The following ZBTB20 variants were observed in gnomAD, a reference collection of about 807,000 sequenced individuals.
ZBTB20 encodes the protein zinc finger and BTB domain-containing protein 20.
Under a neutral mutation model 56.9 loss-of-function variants are expected in ZBTB20, and 9 were observed. That is an observed-to-expected ratio of 0.16 (90% CI 0.10 to 0.28). The LOEUF is 0.28. Ranked by LOEUF, ZBTB20 falls within the 10% of genes least tolerant of loss-of-function variation. The pLI is 1.00. For synonymous variants in ZBTB20, 417 were observed against 420.7 expected (o/e 0.99, Z 0.11); for missense variants, 655 against 1,003.0 (o/e 0.65, Z 4.69).
chr3:114,901,222 G>A (rs920348881), intron 3 of ZBTB20, among the ~76,000 whole-genome samples: 7 of 151,474 alleles, frequency 4.6e-5, no homozygotes, highest in East Asian at 3.9e-4. Flanking sequence ...CCGAGATTAC[G>A]CTATTGCACT....
At chr3:114,615,756 C>A (rs543573412) in intron 6 of ZBTB20, among the ~76,000 whole-genome samples, 1 of 152,294 alleles carries the variant, frequency 6.6e-6, no homozygotes, top group East Asian at 1.9e-4. Context: ...TTTATAGACA[C>A]AAAGATAGAA....
intron 3 of ZBTB20, among the ~76,000 whole-genome samples, chr3:114,913,981 T>C (rs2075644686): frequency 2.6e-5 from 4 of 152,214 alleles, no homozygotes; most frequent in South Asian, 4.1e-4. Flanking sequence ...TTGGTTACTA[T>C]AGCCCTGTAG....
At chr3:114,603,546 A>C (rs943376567) in intron 6 of ZBTB20, among the ~76,000 whole-genome samples, 1 of 151,994 alleles carries the variant, frequency 6.6e-6, no homozygotes, top group Non-Finnish European at 1.5e-5. Context: ...AGCTACATAG[A>C]AAAGATTAGT....
chr3:114,684,912 A>C (rs532192718), intron 6 of ZBTB20, among the ~76,000 whole-genome samples: 77 of 152,286 alleles, frequency 5.1e-4, no homozygotes, highest in African/African-American at 1.7e-3. Context: ...CCTGGGGACC[A>C]TTTAGGCTCT....
rs1336311452 is a variant in ZBTB20 at position 114,380,390 on chromosome 3, G to C, written c.26C>G (p.Thr9Arg). ...CTCAGATGCCTTCTGGTTTTCAGCT[G>C]TCTTGGGTTTCTTCCTGAAAATAAA... MLERKKPK[T>R]AENQKASEEN... The change falls in exon 10 of 12, where the codon ACA (threonine) becomes AGA (arginine). Residue 9 changes from threonine to arginine, a missense_variant. Thr to Arg is a moderately conservative substitution (Grantham distance 71). Transcript: ENST00000675478. 1.3e-6 allele frequency: 2 copies of C among 1,528,634 alleles called. No homozygotes were observed. Among genetic ancestry groups the C allele is most frequent in the Non-Finnish European group, 1.7e-6 (2 of 1,142,878 alleles). 94.7% of individuals were successfully genotyped at this position (1,528,634 alleles called of 1,614,324 possible). A position where few individuals can be genotyped will look rare whatever the true frequency, so the allele number is the denominator to read the frequency against.
chr3:115,065,518 A>C (rs1413500506), intron 2 of ZBTB20, among the ~76,000 whole-genome samples: 2 of 152,042 alleles, frequency 1.3e-5, no homozygotes, highest in Admixed American at 1.3e-4. Context: ...GGATTTATAT[A>C]TTTTTTAGTC....
intron 1 of ZBTB20, among the ~76,000 whole-genome samples, chr3:115,099,060 C>G (rs898911174): frequency 4.6e-5 from 7 of 151,834 alleles, no homozygotes; most frequent in Non-Finnish European, 7.4e-5. Context: ...TTCAAATGGC[C>G]CTTATTAAAA....
At chr3:114,645,084 G>A (rs184644121) in intron 6 of ZBTB20, among the ~76,000 whole-genome samples, 17 of 151,906 alleles carry the variant, frequency 1.1e-4, no homozygotes, top group Admixed American at 5.2e-4. Flanking sequence ...CACGATGTTC[G>A]TTGAACTATT....
intron 10 of ZBTB20, among the ~76,000 whole-genome samples, chr3:114,360,555 G>A (rs1460370313): frequency 6.7e-6 from 1 of 150,138 alleles, no homozygotes; most frequent in African/African-American, 2.5e-5. Flanking sequence ...TTTTCACTAA[G>A]TTGGTCAGGC....
intron 2 of ZBTB20, among the ~76,000 whole-genome samples, chr3:114,991,321 G>A (rs1238329641): frequency 4.6e-5 from 7 of 152,040 alleles, no homozygotes; most frequent in Non-Finnish European, 1.0e-4. Context: ...GTTCTCATTG[G>A]TTTCAAAGAA....
chr3:114,402,672 C>A (rs1276913498), intron 7 of ZBTB20, among the ~76,000 whole-genome samples: 2 of 152,136 alleles, frequency 1.3e-5, no homozygotes, highest in South Asian at 2.1e-4. Flanking sequence ...CTGCTTATTT[C>A]ATGTGCTTTG....
At chr3:114,807,277 G>T (rs1367308670) in intron 4 of ZBTB20, among the ~76,000 whole-genome samples, 1 of 151,870 alleles carries the variant, frequency 6.6e-6, no homozygotes. Context: ...TCGTGTGTGT[G>T]GTGGGGGAGG....
Position 114,350,999 on chromosome 3 carries a change from G to A in ZBTB20, c.1079C>T (p.Thr360Ile). 1.2e-6 allele frequency: 2 copies of A among 1,610,308 alleles called. No individual in the cohort carries two copies. Among genetic ancestry groups the A allele is most frequent in the Non-Finnish European group, 1.7e-6 (2 of 1,179,946 alleles). The change falls in exon 11 of 12, where the codon ACA (threonine) becomes ATA (isoleucine). Residue 360 changes from threonine (T) to isoleucine (I), a missense_variant. This residue lies in a region of ZBTB20 where 156 missense variants were observed against 181.0 expected (regional missense o/e 0.86). Transcript: ENST00000675478. ...ACTCTCGGTGCCCTCGGCCTGGTCTGTGTCTTCCGTGCACTCCTCGGATTC... is the reference window on the plus strand; with the variant it reads ...ACTCTCGGTGCCCTCGGCCTGGTCTATGTCTTCCGTGCACTCCTCGGATTC... ...RNESEECTED[T>I]DQAEGTESEP...
chr3:114,338,619 T>C lies in ZBTB20; in HGVS notation c.*386A>G, dbSNP rs539429660. On this transcript the variant is annotated 3_prime_UTR_variant, in exon 12 of 12. Transcript: ENST00000675478. The stretch of plus-strand genomic sequence containing the variant: ...ACAGTAGGCCTTTTAGATTTTGTTA[T>C]ATATTTTTTGTAGTGCTCTTCACAA... 9 of 159,990 alleles carry C rather than the reference T, an allele frequency of 5.6e-5. No homozygotes were observed. Among genetic ancestry groups the C allele is most frequent in the Non-Finnish European group, 1.1e-4 (8 of 73,412 alleles). The allele number at this position is 159,990 out of a possible 1,614,324, so 9.9% of individuals were successfully genotyped here.
At chr3:114,769,834 G>T (rs1250127446) in intron 5 of ZBTB20, among the ~76,000 whole-genome samples, 1 of 151,992 alleles carries the variant, frequency 6.6e-6, no homozygotes, top group Non-Finnish European at 1.5e-5. Flanking sequence ...CGAGGTGGGT[G>T]GATCACTTGA....
intron 7 of ZBTB20, among the ~76,000 whole-genome samples, chr3:114,457,945 A>C (rs2092118515): frequency 6.6e-6 from 1 of 152,198 alleles, no homozygotes. Flanking sequence ...TAGAATTTTT[A>C]TTTCATTGGA....
chr3:114,462,292 G>A (rs993636160), intron 7 of ZBTB20, among the ~76,000 whole-genome samples: 13 of 152,310 alleles, frequency 8.5e-5, no homozygotes, highest in Admixed American at 7.2e-4. Context: ...AAGGCTGGAA[G>A]TCTGTAGATG....
At chr3:115,026,239 A>G (rs916334762) in intron 2 of ZBTB20, among the ~76,000 whole-genome samples, 2 of 150,972 alleles carry the variant, frequency 1.3e-5, no homozygotes, top group African/African-American at 2.4e-5. Flanking sequence ...ATTTCCCCTC[A>G]TCTACTTTCT....
At chr3:115,081,131 A>G (rs1165456739) in intron 1 of ZBTB20, among the ~76,000 whole-genome samples, 1 of 152,186 alleles carries the variant, frequency 6.6e-6, no homozygotes, top group Non-Finnish European at 1.5e-5. Flanking sequence ...AAGAAAGTCA[A>G]CTAAACAACT....
Sources: gnomAD v4.1 joint callset for allele counts (sites outside exome capture counted in the v4.1 genomes callset) on GRCh38, gnomAD v4.1.1 for gene constraint, gnomAD v4.1.1 regional missense constraint, MANE v1.5 for transcripts, NCBI Gene and HGNC (gene_info 2026-07-23, HGNC 2026-07-21) for gene names.